Variants in ANO7 observed in about 807,000 individuals in gnomAD.
ANO7 encodes anoctamin-7.
A neutral mutation model predicts 115.8 loss-of-function variants in ANO7; 114 were observed. The observed-to-expected ratio is 0.98, with a 90% CI of 0.85 to 1.15. The LOEUF (loss-of-function observed/expected upper bound fraction) is 1.15, where lower values mean the gene tolerates loss of function less well. ANO7 is among the 50% of genes most tolerant of loss of function. The probability of loss-of-function intolerance (pLI) is 0.00; values close to 1 mark genes in which losing one functional copy is unlikely to be tolerated. For synonymous variants in ANO7, 550 were observed against 498.2 expected (o/e 1.10, Z -1.38); for missense variants, 1,302 against 1,201.2 (o/e 1.08, Z -1.24).
At chr2:241,223,995 C>G (rs369648977) in intron 24 of ANO7, 40 bp downstream of exon 24, 1 of 1,613,778 alleles carries the variant, frequency 6.2e-7, no homozygotes, top group African/African-American at 1.3e-5. Context: ...CCGTGCACTC[C>G]CTGAGGTCAC....
chr2:241,239,437 G>A, the ANO7 span, among the ~76,000 whole-genome samples: 1 of 151,828 alleles, frequency 6.6e-6, no homozygotes, highest in African/African-American at 2.4e-5. This position sits in a 1 kb window ranked among gnomAD's most constrained non-coding sequence, Gnocchi z 4.6. Context: ...AAGGAGGCCA[G>A]ACAGGCTGAG....
chr2:241,227,478 G>A (rs1659860984), downstream of ANO7: 1 of 152,578 alleles, frequency 6.6e-6, no homozygotes, highest in South Asian at 2.1e-4. Context: ...CCTCACCCCT[G>A]CCTCATCTCT....
In ANO7 at chr2:241,203,899, C is replaced by A. The variant is rs2068530613; in HGVS notation, c.889+401C>A. On this transcript the variant is annotated intron_variant, in intron 9 of 24. Coordinates refer to ENST00000674324, the MANE Select transcript of ANO7 (RefSeq NM_001370694.2). This position sits in a 1 kb window ranked among gnomAD's most constrained non-coding sequence, Gnocchi z 4.8. ...AAGCAGGCCATCTGCCCCAGGCAAC[C>A]CCAGAGCTGTTCCTCCTGGGTCCTG... is the stretch of plus-strand genomic sequence containing the variant. Among the ~76,000 whole-genome samples, 1 of 152,252 alleles carries A rather than the reference C, an allele frequency of 6.6e-6. No homozygotes were observed. The highest frequency in any genetic ancestry group is 1.9e-4 in the East Asian group (1 of 5,170).
chr2:241,193,015 C>G (rs2068240029), intron 3 of ANO7, among the ~76,000 whole-genome samples: 1 of 152,042 alleles, frequency 6.6e-6, no homozygotes, highest in Non-Finnish European at 1.5e-5. Flanking sequence ...TACCAATGAC[C>G]TGTACACTTA....
In ANO7 at chr2:241,188,909, C is replaced by A. The variant is rs769264729; in HGVS notation, c.-8+143C>A. On this transcript the variant is annotated intron_variant, in intron 1 of 24. Coordinates refer to ENST00000674324, the MANE Select transcript of ANO7 (RefSeq NM_001370694.2). This position sits in a 1 kb window ranked among gnomAD's most constrained non-coding sequence, Gnocchi z 4.3. ...CAGTGCCAGGGCCCGCCCTGGTCCC[C>A]AAAGCCCCTTGGGGCACGAGGAGGG... 116 of 1,160,540 alleles carry A rather than the reference C, an allele frequency of 1.0e-4. No individual in the cohort carries two copies. The highest frequency in any genetic ancestry group is 2.9e-4 in the Middle Eastern group (1 of 3,486). 71.9% of individuals were successfully genotyped at this position (1,160,540 alleles called of 1,614,324 possible).
At chr2:241,234,015 T>C in the ANO7 span, 1 of 1,602,626 alleles carries the variant, frequency 6.2e-7, no homozygotes, top group Middle Eastern at 1.7e-4. Flanking sequence ...ATCCACCCTG[T>C]GACTCCATTC....
chr2:241,213,101 T>A (rs1200883278), intron 17 of ANO7, among the ~76,000 whole-genome samples: 2 of 152,180 alleles, frequency 1.3e-5, no homozygotes, highest in Admixed American at 6.5e-5. Context: ...GCAGAGCCTC[T>A]GGCACACAGG....
chr2:241,218,442 CGGGTG>C (rs1158150202), intron 21 of ANO7, 61 bp downstream of exon 21: 118 of 958,434 alleles, frequency 1.2e-4, no homozygotes, highest in Non-Finnish European at 1.4e-4. Flanking sequence ...GAGCGGGGCT[CGGGTG>C]GGGTGGGGGT....
At chr2:241,222,584 G>T (rs56091437) in intron 21 of ANO7, among the ~76,000 whole-genome samples, 20,641 of 151,878 alleles carry the variant, frequency 0.14, 1,700 homozygotes, top group Non-Finnish European at 0.18. Flanking sequence ...GCAATATTTG[G>T]TTTTTTGTTT....
intron 10 of ANO7, among the ~76,000 whole-genome samples, chr2:241,205,490 G>A (rs2068570934): frequency 1.4e-5 from 2 of 147,124 alleles, no homozygotes; most frequent in Non-Finnish European, 3.0e-5. Flanking sequence ...GCTGACACAG[G>A]TGGACAGGAG....
chr2:241,190,059 G>T lies in ANO7; in HGVS notation c.-5G>T. 6.4e-7 allele frequency: 1 copy of T among 1,569,360 alleles called. No homozygotes were observed. Among genetic ancestry groups the T allele is most frequent in the Non-Finnish European group, 8.6e-7 (1 of 1,157,464 alleles). ...CCACCCGGCCTTGCTGGGTGCAGGA[G>T]CAGGATGCTGCGGCGACGGGCCCAG... On this transcript the variant is annotated splice_region_variant and 5_prime_UTR_variant, in exon 2 of 25. Coordinates refer to ENST00000674324, the MANE Select transcript of ANO7 (RefSeq NM_001370694.2).
the ANO7 span, chr2:241,231,384 AAAAAAAAAAAAAC>A: frequency 1.2e-5 from 1 of 85,314 alleles, no homozygotes; most frequent in South Asian, 3.0e-4. Flanking sequence ...ACTCCATCTC[AAAAAAAAAAAAAC>A]AAAAAAAAAA....
At chr2:241,195,652 C>T (rs769137920) in intron 3 of ANO7, 51 bp from the exon 4 acceptor site, 12 of 1,574,366 alleles carry the variant, frequency 7.6e-6, no homozygotes, top group East Asian at 4.5e-5. Flanking sequence ...TTCCCTGGGC[C>T]GGCCACTGCC....
chr2:241,215,446 G>A (rs557019162), intron 18 of ANO7, among the ~76,000 whole-genome samples: 18 of 152,284 alleles, frequency 1.2e-4, no homozygotes, highest in African/African-American at 1.7e-4. Context: ...CCCTCCCAGC[G>A]CCCCCTGAAC....
intron 16 of ANO7, 45 bp from the exon 17 acceptor site, chr2:241,212,527 A>G (rs773160347): frequency 6.3e-7 from 1 of 1,593,112 alleles, no homozygotes; most frequent in South Asian, 1.1e-5. Flanking sequence ...GTGGGAGGAG[A>G]CAGGAAGGAT....
the ANO7 span, chr2:241,239,662 C>T: frequency 3.1e-6 from 5 of 1,614,238 alleles, no homozygotes; most frequent in Non-Finnish European, 4.2e-6. The surrounding 1 kb of genome is among the most constrained non-coding windows in gnomAD (Gnocchi z 4.6). Context: ...CCTTGGCGCC[C>T]TTGAGGGTGA....
At chr2:241,210,651 C>G in intron 15 of ANO7, 81 bp downstream of exon 15, 6 of 1,115,832 alleles carry the variant, frequency 5.4e-6, no homozygotes, top group Non-Finnish European at 8.2e-6. Context: ...TTCTCACTCA[C>G]TGACACACAT....
At chr2:241,222,429 C>A (rs1047571948) in intron 21 of ANO7, among the ~76,000 whole-genome samples, 104 of 152,040 alleles carry the variant, frequency 6.8e-4, no homozygotes, top group African/African-American at 2.4e-3. Flanking sequence ...CTGCTTCCCC[C>A]CAAGTGTGCT....
intron 22 of ANO7, 101 bp downstream of exon 22, chr2:241,223,377 C>G: frequency 7.6e-7 from 1 of 1,309,536 alleles, no homozygotes; most frequent in Non-Finnish European, 1.1e-6. Flanking sequence ...GCCGTCACTT[C>G]CTGCTGTGTC....
Sources: gnomAD v4.1 joint callset for allele counts (sites outside exome capture counted in the v4.1 genomes callset) on GRCh38, gnomAD v4.1.1 for gene constraint, Gnocchi (gnomAD v3.1) non-coding constraint, MANE v1.5 for transcripts, NCBI Gene and HGNC (gene_info 2026-07-23, HGNC 2026-07-21) for gene names.